STYK1: variants seen among roughly 807,000 people sequenced by gnomAD.
The protein encoded by STYK1 is tyrosine-protein kinase STYK1.
STYK1 carries 46 observed loss-of-function variants against 48.1 expected under a neutral mutation model. The ratio of observed to expected loss-of-function variants is 0.96; its 90% CI spans 0.75 to 1.22. The LOEUF is 1.22. Among genes scored for constraint, STYK1 ranks in the 50% most tolerant of loss-of-function variants. STYK1 has a pLI of 0.00. For synonymous variants in STYK1, 188 were observed against 189.0 expected, an observed-to-expected ratio of 0.99 and a Z score of 0.04; for missense variants, 527 against 521.1, an observed-to-expected ratio of 1.01 and a Z score of -0.11.
chr12:10,641,656 C>T (rs1416596007), intron 1 of STYK1, among the ~76,000 whole-genome samples: 1 of 152,218 alleles, frequency 6.6e-6, no homozygotes, highest in African/African-American at 2.4e-5. Context: ...TAACTCAGCT[C>T]CTGTTTACCT....
chr12:10,624,687 C>T lies in STYK1; in HGVS notation c.890G>A (p.Arg297Gln), dbSNP rs368292071. The T allele has an allele frequency of 2.5e-5, 41 of 1,614,062 alleles. No homozygotes were observed. Among genetic ancestry groups the T allele is most frequent in the South Asian group, 1.4e-4 (13 of 91,080 alleles). Residue 297 changes from arginine to glutamine, a missense_variant, in exon 8 of 11, where the codon CGG (arginine) becomes CAG (glutamine). Arg to Gln is a conservative substitution (Grantham distance 43). Coordinates refer to ENST00000075503, the MANE Select transcript of STYK1 (RefSeq NM_018423.3). ...GATGCTAGCAGGTCTCAGGAGAAGC[C>T]GTTCTGGGGCAAGCCACTTGAGAGG... Reference protein sequence around the residue: ...TIPLKWLAPERLLLRPASIRA... With the variant: ...TIPLKWLAPEQLLLRPASIRA...
chr12:10,625,453 G>A (rs747977355), intron 7 of STYK1, among the ~76,000 whole-genome samples: 13 of 152,250 alleles, frequency 8.5e-5, no homozygotes, highest in African/African-American at 2.4e-4. Flanking sequence ...TCCTGACCTT[G>A]TGATCTGCCC....
rs138470705 is a variant in STYK1 at position 10,668,843 on chromosome 12, C to A, written c.-195+5123G>T. On this transcript the variant is annotated intron_variant, in intron 1 of 10. Coordinates refer to ENST00000075503, the MANE Select transcript of STYK1 (RefSeq NM_018423.3). Reference sequence around the variant, plus strand: ...CCTATTATTATCTGTTTCTTCCCAACAAGACTTTAATTTCCTGGAGAGCAC... The same window carrying A: ...CCTATTATTATCTGTTTCTTCCCAAAAAGACTTTAATTTCCTGGAGAGCAC... 2.7e-3 allele frequency among the ~76,000 whole-genome samples: 416 copies of A among 152,262 alleles called. 1 individual carries two copies. The highest frequency in any genetic ancestry group is 3.6e-3 in the Non-Finnish European group (246 of 68,028).
intron 8 of STYK1, among the ~76,000 whole-genome samples, chr12:10,623,757 T>C (rs1024089874): frequency 1.3e-5 from 2 of 152,166 alleles, no homozygotes; most frequent in Non-Finnish European, 2.9e-5. Context: ...TCACAATTAT[T>C]TTCAGGTTTC....
intron 1 of STYK1, chr12:10,640,815 G>A (rs1415750977): frequency 6.6e-6 from 1 of 152,146 alleles, no homozygotes; most frequent in Admixed American, 6.5e-5. Flanking sequence ...CTTTGTAGAG[G>A]AGAAAAGTGA....
rs1260284961 is a variant in STYK1, at chr12:10,672,745, G to A, written c.-195+1221C>T. ...CCTGGTGCCTGGTGCCAAAAGCCATGCAGTTTGTGGTACCTTGTTACAGCA... is the reference window on the plus strand; with the variant it reads ...CCTGGTGCCTGGTGCCAAAAGCCATACAGTTTGTGGTACCTTGTTACAGCA... On this transcript the variant is annotated intron_variant, in intron 1 of 10. Coordinates refer to ENST00000075503, the MANE Select transcript of STYK1 (RefSeq NM_018423.3). This position sits in a 1 kb window ranked among gnomAD's most constrained non-coding sequence, Gnocchi z 4.0. Among the ~76,000 whole-genome samples, 1 of 152,180 alleles carries A rather than the reference G, an allele frequency of 6.6e-6. No individual in the cohort carries two copies. The highest frequency in any genetic ancestry group is 1.5e-5 in the Non-Finnish European group (1 of 68,030).
intron 8 of STYK1, 93 bp from the exon 9 acceptor site, chr12:10,622,771 A>G: frequency 6.9e-7 from 1 of 1,453,640 alleles, no homozygotes; most frequent in Non-Finnish European, 9.5e-7. Context: ...TAAGAGCCCC[A>G]TGAAAAAGGC....
chr12:10,663,096 A>G (rs1947794900), intron 1 of STYK1, among the ~76,000 whole-genome samples: 1 of 152,142 alleles, frequency 6.6e-6, no homozygotes, highest in South Asian at 2.1e-4. Context: ...GCTCTTTATT[A>G]TGATTAAAGA....
At chr12:10,644,742 A>G (rs928343867) in intron 1 of STYK1, among the ~76,000 whole-genome samples, 10 of 152,210 alleles carry the variant, frequency 6.6e-5, no homozygotes, top group African/African-American at 2.4e-4. Flanking sequence ...GGAGAAATCA[A>G]AGAAGAGGAG....
intron 1 of STYK1, among the ~76,000 whole-genome samples, chr12:10,666,532 G>C (rs182281718): frequency 1.5e-3 from 223 of 152,296 alleles, no homozygotes; most frequent in Admixed American, 2.7e-3. Context: ...AAAGGCACCT[G>C]ACTTCATATG....
chr12:10,634,511 C>T, intron 3 of STYK1, 56 bp downstream of exon 3: 1 of 1,560,088 alleles, frequency 6.4e-7, no homozygotes, highest in South Asian at 1.1e-5. Context: ...CTACCGAGAC[C>T]TTAGCCTTCA....
In STYK1 at chr12:10,672,518, G is replaced by A. The variant is rs1243024725; in HGVS notation, c.-195+1448C>T. ...CTCCTAAAGTGGTGTGATTACAGGTGTGAGCCACCGTGCCCACTAGCATTA... is the reference window on the plus strand; with the variant it reads ...CTCCTAAAGTGGTGTGATTACAGGTATGAGCCACCGTGCCCACTAGCATTA... On this transcript the variant is annotated intron_variant, in intron 1 of 10. Coordinates refer to ENST00000075503, the MANE Select transcript of STYK1 (RefSeq NM_018423.3). The surrounding 1 kb of genome is among the most constrained non-coding windows in gnomAD (Gnocchi z 4.0). Among the ~76,000 whole-genome samples, 1 of 152,192 alleles carries A rather than the reference G, an allele frequency of 6.6e-6. No homozygotes were observed. Among genetic ancestry groups the A allele is most frequent in the Non-Finnish European group, 1.5e-5 (1 of 68,048 alleles).
chr12:10,647,397 G>T (rs1021205320), intron 1 of STYK1, among the ~76,000 whole-genome samples: 4 of 152,178 alleles, frequency 2.6e-5, no homozygotes, highest in Non-Finnish European at 5.9e-5. Context: ...CTTGTATGGG[G>T]CCTGTATCCC....
intron 4 of STYK1, 49 bp downstream of exon 4, chr12:10,633,941 A>G: frequency 6.3e-7 from 1 of 1,592,676 alleles, no homozygotes; most frequent in Non-Finnish European, 8.5e-7. Context: ...CTTTTTCCTA[A>G]TCTCCATCTT....
chr12:10,658,444 C>T (rs1947741811), intron 1 of STYK1, among the ~76,000 whole-genome samples: 1 of 152,158 alleles, frequency 6.6e-6, no homozygotes, highest in African/African-American at 2.4e-5. Flanking sequence ...AAGCTGTCTT[C>T]CCTCTATTAA....
At chr12:10,649,399 ATT>A (rs1400491642) in intron 1 of STYK1, among the ~76,000 whole-genome samples, 1 of 152,244 alleles carries the variant, frequency 6.6e-6, no homozygotes, top group Non-Finnish European at 1.5e-5. Flanking sequence ...CTACACATTT[ATT>A]AAATTTACGT....
At chr12:10,628,233 A>G (rs141121136) in intron 6 of STYK1, among the ~76,000 whole-genome samples, 2 of 152,222 alleles carry the variant, frequency 1.3e-5, no homozygotes, top group African/African-American at 2.4e-5. Flanking sequence ...CAATGGTTAC[A>G]TATCTGTAAG....
Position 10,624,723 on chromosome 12 carries a change from G to A in STYK1, c.854C>T (p.Thr285Ile), listed in dbSNP as rs375218202. Reference protein sequence around the residue: ...EVYTRGAISSTQTIPLKWLAP... With the variant: ...EVYTRGAISSIQTIPLKWLAP... ...AAGCCACTTGAGAGGTATGGTTTGA[G>A]TAGAGGAGATGGCCCCTCGGGTGTA... is the stretch of plus-strand genomic sequence containing the variant. The change falls in exon 8 of 11, where the codon ACT (threonine) becomes ATT (isoleucine). Residue 285 changes from threonine to isoleucine, a missense_variant. By Grantham distance (89) the Thr-to-Ile change is moderately conservative. Coordinates refer to ENST00000075503, the MANE Select transcript of STYK1 (RefSeq NM_018423.3). 8.7e-5 allele frequency: 141 copies of A among 1,614,154 alleles called. No individual in the cohort carries two copies. Among genetic ancestry groups the A allele is most frequent in the Middle Eastern group, 6.6e-4 (4 of 6,062 alleles).
Position 10,620,172 on chromosome 12 carries a change from C to T in STYK1, c.1241G>A (p.Ser414Asn). ...YAAVAGIRVE[S>N]LFYNYSML ...AAGCATGCTATAGTTGTAGAAGAGG[C>T]TCTCCACTCTGATGCCGGCCACAGC... Residue 414 changes from serine to asparagine, a missense_variant, in exon 11 of 11, where the codon AGC becomes AAC. Transcript: ENST00000075503. The T allele has an allele frequency of 6.2e-7, 1 of 1,614,214 alleles. No homozygotes were observed. Among genetic ancestry groups the T allele is most frequent in the Non-Finnish European group, 8.5e-7 (1 of 1,180,046 alleles).
Sources: gnomAD v4.1 joint callset for allele counts (sites outside exome capture counted in the v4.1 genomes callset) on GRCh38, gnomAD v4.1.1 for gene constraint, Gnocchi (gnomAD v3.1) non-coding constraint, MANE v1.5 for transcripts, NCBI Gene and HGNC (gene_info 2026-07-23, HGNC 2026-07-21) for gene names.